The following ZNF347 variants were observed in gnomAD, a reference collection of about 807,000 sequenced individuals.
ZNF347 encodes zinc finger protein 347, also known as CTD-2620I22.7.
In ZNF347, 19 loss-of-function variants were observed where a neutral mutation model predicts 12.9. That is an observed-to-expected ratio of 1.47 (90% CI 1.03 to 2.16). The LOEUF (loss-of-function observed/expected upper bound fraction) is 2.16, where lower values mean the gene tolerates loss of function less well. Among genes scored for constraint, ZNF347 ranks in the 30% most tolerant of loss-of-function variants. The pLI is 0.00. For synonymous variants in ZNF347, 328 were observed against 340.6 expected, an observed-to-expected ratio of 0.96 and a Z score of 0.41; for missense variants, 1,005 against 990.6, an observed-to-expected ratio of 1.01 and a Z score of -0.19.
In ZNF347 at chr19:53,149,266, C is replaced by G. The variant is rs777145610; in HGVS notation, c.117G>C (p.Glu39Asp). Residue 39 changes from glutamate (E) to aspartate (D), a missense_variant, in exon 3 of 5, where the codon GAG becomes GAC. Coordinates refer to ENST00000334197, the MANE Select transcript of ZNF347 (RefSeq NM_032584.3). ...QRTLYRDVML[E>D]NYRNLASLGI... is the part of the protein sequence containing the mutation. ...CCAGGGAGGCCAGGTTCCTATAATT[C>G]TCCAACATCACGTCCCTGTACAAAG... The G allele has an allele frequency of 1.9e-6, 3 of 1,613,488 alleles. No homozygotes were observed. Among genetic ancestry groups the G allele is most frequent in the Non-Finnish European group, 1.7e-6 (2 of 1,179,826 alleles).
In ZNF347 at chr19:53,139,595, C is replaced by T. The variant is rs1395182135; in HGVS notation, c.*713G>A. ...AAATATATAATGTCTTAAGTTTTACCATATTGGAACGTGTAATTATTGTGC... is the reference window on the plus strand; with the variant it reads ...AAATATATAATGTCTTAAGTTTTACTATATTGGAACGTGTAATTATTGTGC... On this transcript the variant is annotated 3_prime_UTR_variant, in exon 5 of 5. Transcript: ENST00000334197. The T allele has an allele frequency of 6.6e-6, 1 of 152,084 alleles. No individual in the cohort carries two copies. Among genetic ancestry groups the T allele is most frequent in the East Asian group, 1.9e-4 (1 of 5,188 alleles). 9.4% of individuals were successfully genotyped at this position (152,084 alleles called of 1,614,324 possible). A position where few individuals can be genotyped will look rare whatever the true frequency, so the allele number is the denominator to read the frequency against.
In ZNF347 at chr19:53,140,154, A is replaced by C. The variant is rs778660112; in HGVS notation, c.*154T>G. 8 of 716,712 alleles carry C rather than the reference A, an allele frequency of 1.1e-5. No individual in the cohort carries two copies. The highest frequency in any genetic ancestry group is 1.8e-5 in the Non-Finnish European group (8 of 447,576). 44.4% of individuals were successfully genotyped at this position (716,712 alleles called of 1,614,324 possible). A position where few individuals can be genotyped will look rare whatever the true frequency, so the allele number is the denominator to read the frequency against. On this transcript the variant is annotated 3_prime_UTR_variant, in exon 5 of 5. Transcript: ENST00000334197. Reference sequence around the variant, plus strand: ...ACCTCAGGTGATCCACCTGCCTCGGACTCCCAAAGTGTTGGGATTACAGGC... The same window carrying C: ...ACCTCAGGTGATCCACCTGCCTCGGCCTCCCAAAGTGTTGGGATTACAGGC...
In ZNF347 at chr19:53,142,390, T is replaced by C; in HGVS notation, c.438A>G (p.Arg146=). The C allele has an allele frequency of 6.2e-7, 1 of 1,614,124 alleles. No homozygotes were observed. Among genetic ancestry groups the C allele is most frequent in the Non-Finnish European group, 8.5e-7 (1 of 1,180,012 alleles). ...KNTHGLEYQC[R]DAEGNYKGVL... is the part of the protein sequence containing the mutation. The stretch of plus-strand genomic sequence containing the variant: ...CTCCTTTGTAATTTCCTTCAGCATC[T>C]CTGCATTGATACTCAAGGCCATGTG... Residue 146 remains arginine (R), a synonymous_variant, in exon 5 of 5, where the codon AGA becomes AGG. Coordinates refer to ENST00000334197, the MANE Select transcript of ZNF347 (RefSeq NM_032584.3).
rs2090381896 is a variant in ZNF347 at position 53,135,339 on chromosome 19, T to TATAGAGAG, written c.*4968_*4969insCTCTCTAT. The TATAGAGAG allele has an allele frequency of 4.7e-5, 4 of 85,252 alleles. No individual in the cohort carries two copies. The highest frequency in any genetic ancestry group is 1.7e-4 in the African/African-American group (3 of 17,184). The allele number at this position is 85,252 out of a possible 1,614,324, so 5.3% of individuals were successfully genotyped here. A position where few individuals can be genotyped will look rare whatever the true frequency, so the allele number is the denominator to read the frequency against. On this transcript the variant is annotated 3_prime_UTR_variant, in exon 5 of 5. Transcript: ENST00000334197. ...ATATATATATATATATATATATATA[T>TATAGAGAG]AGAGAGAGAGAGAGAGAGAGAGAGA... is the stretch of plus-strand genomic sequence containing the variant.
At chr19:53,157,156 C>A (rs949660780) in intron 1 of ZNF347, among the ~76,000 whole-genome samples, 1 of 152,166 alleles carries the variant, frequency 6.6e-6, no homozygotes, top group Non-Finnish European at 1.5e-5. Context: ...TGAAGCTATA[C>A]CCTAATACTA....
At position 53,139,141 on chromosome 19, in the gene ZNF347, G is replaced by A. The variant is rs2090403567; in HGVS notation, c.*1167C>T. On this transcript the variant is annotated 3_prime_UTR_variant, in exon 5 of 5. Coordinates refer to ENST00000334197, the MANE Select transcript of ZNF347 (RefSeq NM_032584.3). ...TTACTCTCCTCTCATAAAAATTCCA[G>A]TGTCCTGAGGTCTTGGCCTGCTCAA... is the stretch of plus-strand genomic sequence containing the variant. 1 of 152,092 alleles carries A rather than the reference G, an allele frequency of 6.6e-6. No individual in the cohort carries two copies. The highest frequency in any genetic ancestry group is 1.5e-5 in the Non-Finnish European group (1 of 68,020). The allele number at this position is 152,092 out of a possible 1,614,324, so 9.4% of individuals were successfully genotyped here. A position where few individuals can be genotyped will look rare whatever the true frequency, so the allele number is the denominator to read the frequency against.
At chr19:53,143,393 A>C in intron 4 of ZNF347, among the ~76,000 whole-genome samples, 1 of 105,430 alleles carries the variant, frequency 9.5e-6, no homozygotes, top group South Asian at 3.6e-4. Flanking sequence ...CCACCCCACA[A>C]CAGTCCCCAG....
intron 3 of ZNF347, 177 bp from the exon 4 acceptor site, chr19:53,148,986 C>T (rs1366016254): frequency 9.2e-7 from 1 of 1,086,846 alleles, no homozygotes; most frequent in East Asian, 2.6e-5. Flanking sequence ...ATATATAGCT[C>T]TCATCCCAAA....
chr19:53,154,284 C>A (rs561512365), intron 1 of ZNF347, among the ~76,000 whole-genome samples: 8 of 151,922 alleles, frequency 5.3e-5, no homozygotes, highest in Admixed American at 2.0e-4. Context: ...GAGTTCAAGA[C>A]CAGCCTAAAC....
rs1291626509 is a variant in ZNF347, at chr19:53,136,602, A to T, written c.*3706T>A. The T allele has an allele frequency of 6.6e-6, 1 of 152,048 alleles. No homozygotes were observed. Among genetic ancestry groups the T allele is most frequent in the Non-Finnish European group, 1.5e-5 (1 of 68,026 alleles). 9.4% of individuals were successfully genotyped at this position (152,048 alleles called of 1,614,324 possible). On this transcript the variant is annotated 3_prime_UTR_variant, in exon 5 of 5. Transcript: ENST00000334197. Reference sequence around the variant, plus strand: ...AAGAAAAAAAAAAAGAAAAGAAGCTATGGAGAATATGTTACACAATACCAT... The same window carrying T: ...AAGAAAAAAAAAAAGAAAAGAAGCTTTGGAGAATATGTTACACAATACCAT...
chr19:53,141,808 A>C lies in ZNF347; in HGVS notation c.1020T>G (p.Thr340=), dbSNP rs2090429703. Residue 340 remains threonine, a synonymous_variant, in exon 5 of 5, where the codon ACT becomes ACG. Coordinates refer to ENST00000334197, the MANE Select transcript of ZNF347 (RefSeq NM_032584.3). The part of the protein sequence containing the change: ...SQLSQHQKIH[T]GEKPYKCNEC... ...CGTTACATTTATAAGGTTTCTCTCCAGTGTGAATTTTCTGATGTTGTGAGA... is the reference window on the plus strand; with the variant it reads ...CGTTACATTTATAAGGTTTCTCTCCCGTGTGAATTTTCTGATGTTGTGAGA... The C allele has an allele frequency of 1.2e-6, 2 of 1,613,966 alleles. No homozygotes were observed. The highest frequency in any genetic ancestry group is 8.5e-7 in the Non-Finnish European group (1 of 1,180,002).
intron 4 of ZNF347, among the ~76,000 whole-genome samples, chr19:53,147,876 T>A (rs2090473363): frequency 6.6e-6 from 1 of 152,224 alleles, no homozygotes; most frequent in Non-Finnish European, 1.5e-5. Flanking sequence ...AATCAATTAA[T>A]GTGATTCATC....
Position 53,154,948 on chromosome 19 carries a change from T to G in ZNF347, c.-46-1155A>C, listed in dbSNP as rs981712905. On this transcript the variant is annotated intron_variant, in intron 1 of 4. Coordinates refer to ENST00000334197, the MANE Select transcript of ZNF347 (RefSeq NM_032584.3). Reference sequence around the variant, plus strand: ...GTAGTTTAGAGTTTTGTTTTGTTTTTTTTTTTGAGATGAAGTCTCACTCTT... The same window carrying G: ...GTAGTTTAGAGTTTTGTTTTGTTTTGTTTTTTGAGATGAAGTCTCACTCTT... Among the ~76,000 whole-genome samples the G allele has an allele frequency of 3.3e-5, 5 of 152,180 alleles. 1 individual carries two copies. Among genetic ancestry groups the G allele is most frequent in the South Asian group, 4.1e-4 (2 of 4,820 alleles).
At position 53,142,385 on chromosome 19, in the gene ZNF347, G is replaced by C; in HGVS notation, c.443C>G (p.Ala148Gly). The change falls in exon 5 of 5, where the codon GCT becomes GGT. Residue 148 changes from alanine (A) to glycine (G), a missense_variant. Transcript: ENST00000334197. The stretch of plus-strand genomic sequence containing the variant: ...AAGCACTCCTTTGTAATTTCCTTCA[G>C]CATCTCTGCATTGATACTCAAGGCC... ...THGLEYQCRDAEGNYKGVLLT... is the reference protein window; with the variant it reads ...THGLEYQCRDGEGNYKGVLLT... 1.2e-6 allele frequency: 2 copies of C among 1,613,956 alleles called. No homozygotes were observed. The highest frequency in any genetic ancestry group is 1.7e-6 in the Non-Finnish European group (2 of 1,179,996).
rs1465239680 is a variant in ZNF347, at chr19:53,138,871, T to C, written c.*1437A>G. 1 of 152,130 alleles carries C rather than the reference T, an allele frequency of 6.6e-6. No individual in the cohort carries two copies. Among genetic ancestry groups the C allele is most frequent in the Non-Finnish European group, 1.5e-5 (1 of 68,020 alleles). 9.4% of individuals were successfully genotyped at this position (152,130 alleles called of 1,614,324 possible). ...CTGTGACACATTCTTAATAAAACTGTAGCAAAATGTAATTCCAGCAATTAG... is the reference window on the plus strand; with the variant it reads ...CTGTGACACATTCTTAATAAAACTGCAGCAAAATGTAATTCCAGCAATTAG... On this transcript the variant is annotated 3_prime_UTR_variant, in exon 5 of 5. Transcript: ENST00000334197.
chr19:53,150,811 T>C (rs1274013569), intron 2 of ZNF347, among the ~76,000 whole-genome samples: 1 of 152,150 alleles, frequency 6.6e-6, no homozygotes, highest in Non-Finnish European at 1.5e-5. Context: ...ATGATCTCAG[T>C]TCACTGCAAC....
intron 1 of ZNF347, among the ~76,000 whole-genome samples, chr19:53,156,016 A>ACCAGGGGACTC (rs551870380): frequency 8.6e-6 from 1 of 116,376 alleles, no homozygotes; most frequent in Non-Finnish European, 1.6e-5. Context: ...TCCCACAATG[A>ACCAGGGGACTC]CCAGGGGACT....
At chr19:53,149,079 A>T in intron 3 of ZNF347, 162 bp downstream of exon 3, 1 of 1,402,936 alleles carries the variant, frequency 7.1e-7, no homozygotes, top group African/African-American at 1.4e-5. Context: ...CATCAGGAAG[A>T]GGAAAATTAA....
rs138967308 is a variant in ZNF347 at position 53,141,872 on chromosome 19, C to T, written c.956G>A (p.Cys319Tyr). 2 of 1,613,846 alleles carry T rather than the reference C, an allele frequency of 1.2e-6. No individual in the cohort carries two copies. The highest frequency in any genetic ancestry group is 2.2e-5 in the East Asian group (1 of 44,870). ...ACTAAAGACCTTACCACACTCATTA[C>T]ATTTGTAACGTTTTTCGCCAGTATG... ...VIHTGEKRYK[C>Y]NECGKVFSRN... is the part of the protein sequence containing the mutation. The change falls in exon 5 of 5, where the codon TGT becomes TAT. Residue 319 changes from cysteine (C) to tyrosine (Y), a missense_variant. Physicochemically the swap from Cys to Tyr is radical, Grantham distance 194 (BLOSUM62 -2). Transcript: ENST00000334197.
Sources: allele counts gnomAD v4.1 joint callset (sites outside exome capture counted in the v4.1 genomes callset), GRCh38; gene constraint gnomAD v4.1.1; transcripts MANE v1.5; gene names NCBI Gene and HGNC (gene_info 2026-07-23, HGNC 2026-07-21).